GRK3: variants seen among roughly 807,000 people sequenced by gnomAD.
The protein encoded by GRK3 is adrenergic, beta, receptor kinase 2.
In GRK3, 54 loss-of-function variants were observed where a neutral mutation model predicts 95.7. The observed-to-expected ratio is 0.56, with a 90% CI of 0.45 to 0.71. The LOEUF (loss-of-function observed/expected upper bound fraction) is 0.71, where lower values mean the gene tolerates loss of function less well. Ranked by LOEUF, GRK3 falls within the 30% of genes least tolerant of loss-of-function variation. The pLI is 0.00. For missense variants in GRK3, 649 were observed against 851.2 expected, an observed-to-expected ratio of 0.76 and a Z score of 2.96; for synonymous variants, 281 against 290.8, an observed-to-expected ratio of 0.97 and a Z score of 0.34.
At position 25,728,775 on chromosome 22, in the gene GRK3, A is replaced by G. The variant is rs148662086; in HGVS notation, c.*6325A>G. On this transcript the variant is annotated 3_prime_UTR_variant, in exon 21 of 21. Transcript: ENST00000324198. The stretch of plus-strand genomic sequence containing the variant: ...GTCTTAAAGGTAAGCGCCCTCATAC[A>G]TGACTGAAACTTTGTGAGAGGTCTT... 5 of 152,292 alleles carry G rather than the reference A, an allele frequency of 3.3e-5. No homozygotes were observed. Among genetic ancestry groups the G allele is most frequent in the South Asian group, 4.2e-4 (2 of 4,814 alleles). The allele number at this position is 152,292 out of a possible 1,614,324, so 9.4% of individuals were successfully genotyped here.
intron 3 of GRK3, chr22:25,647,789 G>A: frequency 1.1e-6 from 1 of 920,770 alleles, no homozygotes; most frequent in Non-Finnish European, 1.8e-6. Flanking sequence ...CTGAATCCTG[G>A]AAATTAATGA....
At chr22:25,602,676 C>T (rs1253645591) in intron 1 of GRK3, among the ~76,000 whole-genome samples, 2 of 152,138 alleles carry the variant, frequency 1.3e-5, no homozygotes, top group Admixed American at 1.3e-4. Flanking sequence ...GAAGCTGTCT[C>T]ATGTCAAACA....
chr22:25,686,188 C>T lies in GRK3; in HGVS notation c.826+940C>T, dbSNP rs139909544. ...AGTGAGCCAAGATTACGCCACTGCA[C>T]TCCAGTCTGGGTGACAGAGCGAGAC... On this transcript the variant is annotated intron_variant, in intron 10 of 20. Transcript: ENST00000324198. 5.0e-3 allele frequency among the ~76,000 whole-genome samples: 756 copies of T among 151,218 alleles called. 5 individuals carry two copies. The highest frequency in any genetic ancestry group is 0.017 in the African/African-American group (714 of 41,224).
In GRK3 at chr22:25,672,186, A is replaced by ACCC. The variant is rs571136598; in HGVS notation, c.504-110_504-109insCCC. ...AAAGGGTTTCAGAAAACTTAACTTT[A>ACCC]TTTGACAAGCAACCCAAGTAATGCC... On this transcript the variant is annotated intron_variant, in intron 6 of 20. Transcript: ENST00000324198. The ACCC allele has an allele frequency of 2.3e-4, 134 of 572,440 alleles. No homozygotes were observed. In the African/African-American group the frequency reaches 2.5e-3, roughly 11 times the overall value. The allele number at this position is 572,440 out of a possible 1,614,324, so 35.5% of individuals were successfully genotyped here. A position where few individuals can be genotyped will look rare whatever the true frequency, so the allele number is the denominator to read the frequency against.
At chr22:25,640,581 AT>A (rs1041738456) in intron 2 of GRK3, among the ~76,000 whole-genome samples, 1 of 152,106 alleles carries the variant, frequency 6.6e-6, no homozygotes, top group South Asian at 2.1e-4. Flanking sequence ...GAGGACAAGT[AT>A]TTTTTCTTGC....
chr22:25,679,337 T>C (rs536103343), intron 9 of GRK3, among the ~76,000 whole-genome samples: 3 of 152,322 alleles, frequency 2.0e-5, no homozygotes, highest in African/African-American at 7.2e-5. Flanking sequence ...ATCCGAATTG[T>C]CCTTTTGAGA....
intron 1 of GRK3, among the ~76,000 whole-genome samples, chr22:25,570,682 G>A (rs1931664735): frequency 6.6e-6 from 1 of 152,182 alleles, no homozygotes; most frequent in Admixed American, 6.5e-5. Context: ...CATTTGTATG[G>A]TAAGTAATTT....
At chr22:25,694,915 A>T (rs1022824836) in intron 12 of GRK3, among the ~76,000 whole-genome samples, 192 bp from the exon 13 acceptor site, 2 of 152,210 alleles carry the variant, frequency 1.3e-5, no homozygotes, top group Non-Finnish European at 2.9e-5. Flanking sequence ...TAATTCATAC[A>T]TGAGTGAAGG....
intron 15 of GRK3, among the ~76,000 whole-genome samples, chr22:25,708,256 G>A (rs748273445): frequency 6.6e-6 from 1 of 152,056 alleles, no homozygotes; most frequent in African/African-American, 2.4e-5. Context: ...ACCCCTAAGC[G>A]AGAGTCTCGT....
chr22:25,656,898 T>C lies in GRK3; in HGVS notation c.265-4678T>C, dbSNP rs1307638448. ...GATGACATCTAAACCCAGGTTTGAA[T>C]GTTAAAGAGGCTGGTCTTTTGAAGA... is the stretch of plus-strand genomic sequence containing the variant. On this transcript the variant is annotated intron_variant, in intron 3 of 20. Coordinates refer to ENST00000324198, the MANE Select transcript of GRK3 (RefSeq NM_005160.4). Among the ~76,000 whole-genome samples, 2 of 152,192 alleles carry C rather than the reference T, an allele frequency of 1.3e-5. 1 individual carries two copies. Among genetic ancestry groups the C allele is most frequent in the Non-Finnish European group, 2.9e-5 (2 of 68,028 alleles).
At position 25,718,242 on chromosome 22, in the gene GRK3, C is replaced by T; in HGVS notation, c.1655-3C>T. ...TAACTCCTAGTGATTTTGTATTCCT[C>T]AGATTACGCTCTGGGGAAGGACTGT... On this transcript the variant is annotated splice_region_variant and splice_polypyrimidine_tract_variant and intron_variant, in intron 18 of 20. Transcript: ENST00000324198. 1 of 1,612,008 alleles carries T rather than the reference C, an allele frequency of 6.2e-7. No homozygotes were observed. The highest frequency in any genetic ancestry group is 1.7e-5 in the Admixed American group (1 of 59,846).
intron 2 of GRK3, among the ~76,000 whole-genome samples, chr22:25,635,753 A>G (rs894993030): frequency 1.3e-5 from 2 of 152,162 alleles, no homozygotes; most frequent in African/African-American, 2.4e-5. Flanking sequence ...ACTGTTAGTT[A>G]TGAGTTTTCC....
chr22:25,689,966 GA>G (rs1370078988), intron 11 of GRK3, among the ~76,000 whole-genome samples: 1 of 152,178 alleles, frequency 6.6e-6, no homozygotes, highest in African/African-American at 2.4e-5. Flanking sequence ...CTAATGAGTA[GA>G]ATCCTTCGCC....
chr22:25,638,019 C>A (rs1472156700), intron 2 of GRK3, among the ~76,000 whole-genome samples: 1 of 152,200 alleles, frequency 6.6e-6, no homozygotes, highest in Non-Finnish European at 1.5e-5. Context: ...ATTTTAATCT[C>A]ATTCCAGGAC....
chr22:25,630,588 G>A lies in GRK3; in HGVS notation c.191-14004G>A, dbSNP rs1343803561. On this transcript the variant is annotated intron_variant, in intron 2 of 20. Transcript: ENST00000324198. ...TGGAAGGGTTTGATAGAATTTTCTC[G>A]CCCCTACATTCTTACATTTCCCTCC... Among the ~76,000 whole-genome samples, 3 of 152,102 alleles carry A rather than the reference G, an allele frequency of 2.0e-5. No individual in the cohort carries two copies. The East Asian group carries it at 5.8e-4, about 29-fold the overall frequency.
intron 5 of GRK3, among the ~76,000 whole-genome samples, chr22:25,665,695 T>C (rs1187869128): frequency 7.0e-6 from 1 of 142,362 alleles, no homozygotes; most frequent in African/African-American, 2.5e-5. Context: ...CTATGTATTA[T>C]GTACCATCAG....
At chr22:25,649,179 T>C (rs2146388285) in intron 3 of GRK3, 2 of 1,359,470 alleles carry the variant, frequency 1.5e-6, no homozygotes, top group Non-Finnish European at 2.1e-6. Context: ...TCAGTCCTTC[T>C]TGGGAGACTA....
At chr22:25,638,307 A>G (rs183412732) in intron 2 of GRK3, among the ~76,000 whole-genome samples, 1 of 152,364 alleles carries the variant, frequency 6.6e-6, no homozygotes, top group Admixed American at 6.5e-5. Context: ...TACACTAGGA[A>G]GTCAGTATGT....
chr22:25,700,748 C>T (rs781274111), intron 13 of GRK3, among the ~76,000 whole-genome samples: 10 of 152,208 alleles, frequency 6.6e-5, no homozygotes, highest in Non-Finnish European at 1.2e-4. Flanking sequence ...CCACCACTCC[C>T]GGCTAATTTT....
Sources: allele counts gnomAD v4.1 joint callset (sites outside exome capture counted in the v4.1 genomes callset), GRCh38; gene constraint gnomAD v4.1.1; transcripts MANE v1.5; gene names NCBI Gene and HGNC (gene_info 2026-07-23, HGNC 2026-07-21).